PFKFB4: variants seen among roughly 807,000 people sequenced by gnomAD.
PFKFB4 encodes 6-phosphofructo-2-kinase/fructose-2,6-biphosphatase 4, also known as 6-phosphofructo-2-kinase/fructose-2,6-bisphosphatase 4.
A neutral mutation model predicts 62.8 loss-of-function variants in PFKFB4; 42 were observed. The observed-to-expected ratio is 0.67, with a 90% CI of 0.52 to 0.86. The LOEUF (loss-of-function observed/expected upper bound fraction) is 0.86, where lower values mean the gene tolerates loss of function less well. Ranked by LOEUF, PFKFB4 falls within the 40% of genes least tolerant of loss-of-function variation. The pLI is 0.00. For synonymous variants in PFKFB4, 204 were observed against 240.7 expected (o/e 0.85, Z 1.41); for missense variants, 475 against 627.2 (o/e 0.76, Z 2.59).
At chr3:48,550,328 G>A in intron 1 of PFKFB4, 94 bp from the exon 2 acceptor site, 1 of 805,920 alleles carries the variant, frequency 1.2e-6, no homozygotes, top group Non-Finnish European at 2.2e-6. Context: ...TCAGGGCATG[G>A]GACTGGCATC....
At chr3:48,525,738 G>A (rs1245642077) in intron 9 of PFKFB4, 69 bp from the exon 10 acceptor site, 13 of 769,844 alleles carry the variant, frequency 1.7e-5, no homozygotes, top group Non-Finnish European at 2.5e-5. Flanking sequence ...CATGTGGGGT[G>A]AGGCAGCATC....
intron 12 of PFKFB4, among the ~76,000 whole-genome samples, chr3:48,522,687 C>T (rs146648255): frequency 9.9e-5 from 15 of 152,210 alleles, no homozygotes; most frequent in African/African-American, 3.1e-4. Flanking sequence ...AGAAAAGCCC[C>T]TCATGCAGGT....
rs370096876 is a variant in PFKFB4, at chr3:48,523,613, G to C, written c.1223-14C>G. The C allele has an allele frequency of 1.9e-6, 3 of 1,614,108 alleles. No homozygotes were observed. The highest frequency in any genetic ancestry group is 2.5e-6 in the Non-Finnish European group (3 of 1,179,986). On this transcript the variant is annotated splice_polypyrimidine_tract_variant and intron_variant, in intron 11 of 13. Transcript: ENST00000232375. ...AGGGCAGCTGTTCTGTAGACACAGA[G>C]GGGGATGGCTAGCACACCAGAAATG...
In PFKFB4 at chr3:48,535,503, G is replaced by A. The variant is rs149366244; in HGVS notation, c.987+9C>T. The A allele has an allele frequency of 3.0e-3, 4,802 of 1,610,016 alleles. 122 individuals are homozygous for A. In the African/African-American group the frequency reaches 0.05, roughly 17 times the overall value. On this transcript the variant is annotated intron_variant, in intron 9 of 13. Coordinates refer to ENST00000232375, the MANE Select transcript of PFKFB4 (RefSeq NM_004567.4). ...GGGAGGTAGACAGGGAGGGAGGGAC[G>A]GTAACTACCGCATCGATCTCGTTGA...
intron 13 of PFKFB4, 56 bp from the exon 14 acceptor site, chr3:48,519,862 G>T: frequency 1.5e-6 from 2 of 1,369,608 alleles, no homozygotes; most frequent in Non-Finnish European, 2.1e-6. Context: ...TGAGATGCCT[G>T]CTGTCTGCCG....
At chr3:48,562,256 CAAGT>C (rs1290000273), upstream of PFKFB4, 1 of 155,514 alleles carries the variant, frequency 6.4e-6, no homozygotes, top group Non-Finnish European at 1.4e-5. This position sits in a 1 kb window ranked among gnomAD's most constrained non-coding sequence, Gnocchi z 4.3. Context: ...ACAGAGCAAG[CAAGT>C]GACCCTCAGC....
Position 48,520,290 on chromosome 3 carries a change from G to A in PFKFB4, c.1351-484C>T, listed in dbSNP as rs149309854. 3.2e-3 allele frequency among the ~76,000 whole-genome samples: 491 copies of A among 152,238 alleles called. 2 individuals are homozygous for A. Among genetic ancestry groups the A allele is most frequent in the African/African-American group, 0.011 (455 of 41,546 alleles). On this transcript the variant is annotated intron_variant, in intron 13 of 13. Coordinates refer to ENST00000232375, the MANE Select transcript of PFKFB4 (RefSeq NM_004567.4). ...GCCTGGTCTGTCCCCTCAGAACTGG[G>A]GTACAGGGCCTCCTGAAGCCCTCAG...
Position 48,518,620 on chromosome 3 carries a change from T to G in PFKFB4, c.*1127A>C, listed in dbSNP as rs890522442. ...CATTTTCACCAGACTCACGTGCACA[T>G]GAATGGAAGGCTGTGCTGCGGCCGG... On this transcript the variant is annotated 3_prime_UTR_variant, in exon 14 of 14. Transcript: ENST00000232375. 1 of 152,232 alleles carries G rather than the reference T, an allele frequency of 6.6e-6. No individual in the cohort carries two copies. The allele number at this position is 152,232 out of a possible 1,614,324, so 9.4% of individuals were successfully genotyped here.
intron 9 of PFKFB4, among the ~76,000 whole-genome samples, chr3:48,530,361 A>G (rs947539293): frequency 6.6e-6 from 1 of 151,720 alleles, no homozygotes; most frequent in African/African-American, 2.4e-5. Context: ...GCAATAATAC[A>G]ACATCATCTT....
chr3:48,559,875 G>C (rs2107617508), upstream of PFKFB4: 1 of 299,310 alleles, frequency 3.3e-6, no homozygotes, highest in Non-Finnish European at 6.6e-6. Flanking sequence ...GGCCAGTCCT[G>C]ACAGAACTGC....
At chr3:48,534,429 T>C (rs1560161055) in intron 9 of PFKFB4, among the ~76,000 whole-genome samples, 1 of 152,060 alleles carries the variant, frequency 6.6e-6, no homozygotes, top group Non-Finnish European at 1.5e-5. Flanking sequence ...CTGAGATACA[T>C]CATAATCAAA....
chr3:48,559,260 C>T (rs1271141789), upstream of PFKFB4, among the ~76,000 whole-genome samples: 1 of 152,196 alleles, frequency 6.6e-6, no homozygotes, highest in Non-Finnish European at 1.5e-5. Context: ...AGCTGGAAGG[C>T]CACAGGTCAA....
intron 4 of PFKFB4, among the ~76,000 whole-genome samples, chr3:48,541,563 G>A (rs529668609): frequency 6.6e-6 from 1 of 152,286 alleles, no homozygotes; most frequent in South Asian, 2.1e-4. Context: ...GAGCCACCAT[G>A]TCAGCCCAGC....
chr3:48,528,431 G>A (rs546087503), intron 9 of PFKFB4, among the ~76,000 whole-genome samples: 5 of 152,306 alleles, frequency 3.3e-5, no homozygotes, highest in African/African-American at 1.2e-4. Context: ...GGAGGCCAAG[G>A]CAGGTAGATC....
chr3:48,542,822 G>A (rs972290509), intron 4 of PFKFB4, among the ~76,000 whole-genome samples: 2 of 152,136 alleles, frequency 1.3e-5, no homozygotes, highest in African/African-American at 4.8e-5. Flanking sequence ...CATCAAATGT[G>A]AGGATTAAAA....
At position 48,535,604 on chromosome 3, in the gene PFKFB4, C is replaced by T. The variant is rs970837696; in HGVS notation, c.895G>A (p.Val299Ile). The T allele has an allele frequency of 6.2e-7, 1 of 1,614,062 alleles. No individual in the cohort carries two copies. The highest frequency in any genetic ancestry group is 1.3e-5 in the African/African-American group (1 of 75,040). The change falls in exon 9 of 14, where the codon GTC becomes ATC. Residue 299 changes from valine (V) to isoleucine (I), a missense_variant. By Grantham distance (29) the Val-to-Ile change is conservative. Coordinates refer to ENST00000232375, the MANE Select transcript of PFKFB4 (RefSeq NM_004567.4). Reference sequence around the variant, plus strand: ...GTCCTCTTCATCTGGCTTGTCCAGACCTTCAGATCCTTGATATTTTGGTCA... The same window carrying T: ...GTCCTCTTCATCTGGCTTGTCCAGATCTTCAGATCCTTGATATTTTGGTCA... ...ISDQNIKDLK[V>I]WTSQMKRTIQ...
rs1488884235 is a variant in PFKFB4 at position 48,525,575 on chromosome 3, G to GGGTACC, written c.1076_1081dup (p.Arg359_Tyr360dup). On this transcript the variant is annotated inframe_insertion, in exon 10 of 14. Transcript: ENST00000232375. ...CCAAATCCCACCTACCTCCCCTTTA[G>GGGTACC]GGTACCGGTACCGGTACTTGTCCTG... is the stretch of plus-strand genomic sequence containing the variant. 2 of 1,570,200 alleles carry GGGTACC rather than the reference G, an allele frequency of 1.3e-6. No homozygotes were observed. Among genetic ancestry groups the GGGTACC allele is most frequent in the African/African-American group, 1.4e-5 (1 of 73,176 alleles).
intron 1 of PFKFB4, among the ~76,000 whole-genome samples, chr3:48,554,869 T>C (rs1024665103): frequency 6.6e-6 from 1 of 151,888 alleles, no homozygotes; most frequent in Non-Finnish European, 1.5e-5. Flanking sequence ...CTGGCCAACA[T>C]GGTGAAACTC....
At chr3:48,562,119 C>G (rs927423403), upstream of PFKFB4, 4 of 152,492 alleles carry the variant, frequency 2.6e-5, no homozygotes, top group Admixed American at 6.5e-5. The surrounding 1 kb of genome is among the most constrained non-coding windows in gnomAD (Gnocchi z 4.3). Context: ...GAGACTCAGC[C>G]ACACACGCAC....
Sources: allele counts gnomAD v4.1 joint callset (sites outside exome capture counted in the v4.1 genomes callset), GRCh38; gene constraint gnomAD v4.1.1; non-coding constraint Gnocchi (gnomAD v3.1); transcripts MANE v1.5; gene names NCBI Gene and HGNC (gene_info 2026-07-23, HGNC 2026-07-21).